Variants in SPTLC3 observed in about 807,000 individuals in gnomAD.
SPTLC3 encodes the protein serine palmitoyltransferase long chain base subunit 3.
A neutral mutation model predicts 59.3 loss-of-function variants in SPTLC3; 36 were observed. The observed-to-expected ratio is 0.61, with a 90% confidence interval of 0.47 to 0.80. SPTLC3 has a LOEUF of 0.80. Ranked by LOEUF, SPTLC3 falls within the 30% of genes least tolerant of loss-of-function variation. The pLI is 0.00. For missense variants in SPTLC3, 625 were observed against 685.1 expected (o/e 0.91, Z 0.98); for synonymous variants, 257 against 240.8 (o/e 1.07, Z -0.62).
intron 1 of SPTLC3, among the ~76,000 whole-genome samples, chr20:13,016,105 G>T (rs1933885665): frequency 6.6e-6 from 1 of 151,208 alleles, no homozygotes; most frequent in African/African-American, 2.4e-5. Flanking sequence ...CCAAACACCA[G>T]AAAGAAAAGA....
At position 13,133,531 on chromosome 20, in the gene SPTLC3, C is replaced by T. The variant is rs140607105; in HGVS notation, c.1279+6814C>T. On this transcript the variant is annotated intron_variant, in intron 9 of 11. Transcript: ENST00000399002. The stretch of plus-strand genomic sequence containing the variant: ...AGTGGATCACTTGAGGTCAGGAGTT[C>T]GAGACCAACCTGGCCAACAAGGCAA... Among the ~76,000 whole-genome samples, 98 of 152,148 alleles carry T rather than the reference C, an allele frequency of 6.4e-4. 1 individual carries two copies. The East Asian group carries it at 0.014, about 22-fold the overall frequency.
chr20:13,093,350 C>T, intron 5 of SPTLC3, 134 bp from the exon 6 acceptor site: 1 of 722,864 alleles, frequency 1.4e-6, no homozygotes. Context: ...CCAGGTTAAA[C>T]TCTTGGCCTT....
chr20:13,022,766 C>T (rs1432362421), intron 1 of SPTLC3, among the ~76,000 whole-genome samples: 1 of 152,206 alleles, frequency 6.6e-6, no homozygotes, highest in Non-Finnish European at 1.5e-5. Context: ...CCACCCTCCC[C>T]TCCCCTCTGC....
At chr20:13,055,940 G>C (rs1312476780) in intron 2 of SPTLC3, among the ~76,000 whole-genome samples, 1 of 152,128 alleles carries the variant, frequency 6.6e-6, no homozygotes, top group African/African-American at 2.4e-5. Flanking sequence ...TGAGCTGAGG[G>C]AAGGGGGCTA....
At position 13,064,110 on chromosome 20, in the gene SPTLC3, A is replaced by G. The variant is rs1988084194; in HGVS notation, c.304-8146A>G. 2.8e-5 allele frequency among the ~76,000 whole-genome samples: 4 copies of G among 142,072 alleles called. No homozygotes were observed. The South Asian group carries it at 9.0e-4, about 32-fold the overall frequency. 93.2% of individuals were successfully genotyped at this position (142,072 alleles called of 152,430 possible). On this transcript the variant is annotated intron_variant, in intron 2 of 11. Coordinates refer to ENST00000399002, the MANE Select transcript of SPTLC3 (RefSeq NM_018327.4). ...AGTGGTGTGATTTTGGCTCACTGCA[A>G]CCTCTGCCTTCTGGGTTCAAGTGAT...
intron 4 of SPTLC3, among the ~76,000 whole-genome samples, chr20:13,078,395 G>A (rs1420336739): frequency 1.3e-5 from 2 of 151,276 alleles, no homozygotes; most frequent in Non-Finnish European, 3.0e-5. Flanking sequence ...ATGCTGCTAA[G>A]CATTTATAAA....
intron 9 of SPTLC3, among the ~76,000 whole-genome samples, chr20:13,136,616 T>G: frequency 7.2e-6 from 1 of 139,236 alleles, no homozygotes. Flanking sequence ...TATATATATA[T>G]ATAATATACA....
At chr20:13,072,532 A>T in intron 3 of SPTLC3, 122 bp downstream of exon 3, 1 of 1,110,778 alleles carries the variant, frequency 9.0e-7, no homozygotes, top group Non-Finnish European at 1.3e-6. Flanking sequence ...TGTATCATTT[A>T]TGCCTTTGCA....
At chr20:13,032,015 C>T (rs1986498929) in intron 1 of SPTLC3, among the ~76,000 whole-genome samples, 1 of 152,086 alleles carries the variant, frequency 6.6e-6, no homozygotes, top group Admixed American at 6.6e-5. Flanking sequence ...TTTGGAATAG[C>T]ATGTAAGTAA....
At chr20:13,138,564 C>T (rs1345430652) in intron 9 of SPTLC3, among the ~76,000 whole-genome samples, 3 of 152,122 alleles carry the variant, frequency 2.0e-5, no homozygotes, top group Non-Finnish European at 2.9e-5. Context: ...GAATGGGCAC[C>T]GAACACTATA....
intron 1 of SPTLC3, among the ~76,000 whole-genome samples, chr20:13,013,123 G>A (rs1034247204): frequency 7.9e-5 from 12 of 152,208 alleles, no homozygotes; most frequent in African/African-American, 2.7e-4. Flanking sequence ...TGTGGCTGAG[G>A]TGGTGCTCAG....
At chr20:13,048,841 A>G (rs1375187200) in intron 1 of SPTLC3, 104 bp from the exon 2 acceptor site, 1 of 1,025,174 alleles carries the variant, frequency 9.8e-7, no homozygotes. Context: ...ACAATCTTAA[A>G]TATGGCCTTT....
At chr20:13,084,154 C>T (rs1335126446) in intron 4 of SPTLC3, among the ~76,000 whole-genome samples, 2 of 152,180 alleles carry the variant, frequency 1.3e-5, no homozygotes, top group Non-Finnish European at 2.9e-5. Flanking sequence ...TAAAGACTGG[C>T]AGGAAATAAT....
chr20:13,026,708 A>C (rs1986163577), intron 1 of SPTLC3, among the ~76,000 whole-genome samples: 1 of 152,220 alleles, frequency 6.6e-6, no homozygotes, highest in South Asian at 2.1e-4. Context: ...GGATGACCAT[A>C]GCAGACCCTG....
intron 10 of SPTLC3, 67 bp from the exon 11 acceptor site, chr20:13,159,936 T>G: frequency 6.9e-7 from 1 of 1,444,792 alleles, no homozygotes; most frequent in Non-Finnish European, 9.2e-7. Context: ...ATTCCTTTTT[T>G]GTCAGGATAA....
intron 9 of SPTLC3, among the ~76,000 whole-genome samples, chr20:13,147,300 G>A (rs1002098224): frequency 6.6e-6 from 1 of 152,116 alleles, no homozygotes; most frequent in Non-Finnish European, 1.5e-5. Flanking sequence ...CACTCCAAAT[G>A]TTCTTTTCTC....
intron 10 of SPTLC3, among the ~76,000 whole-genome samples, chr20:13,156,430 T>C (rs937758861): frequency 1.3e-5 from 2 of 152,226 alleles, no homozygotes; most frequent in African/African-American, 4.8e-5. Context: ...AGTTATGCTC[T>C]ATGGTGTGAT....
intron 1 of SPTLC3, among the ~76,000 whole-genome samples, chr20:13,039,417 T>C (rs1986877492): frequency 6.6e-6 from 1 of 152,126 alleles, no homozygotes; most frequent in Non-Finnish European, 1.5e-5. Flanking sequence ...TGTCTGATAC[T>C]ACTATAGCAA....
intron 9 of SPTLC3, among the ~76,000 whole-genome samples, chr20:13,137,367 G>C (rs113416221): frequency 6.6e-6 from 1 of 152,154 alleles, no homozygotes; most frequent in Admixed American, 6.5e-5. Flanking sequence ...CAGCTAATGG[G>C]ATGCTCCTCT....
Sources: gnomAD v4.1 joint callset for allele counts (sites outside exome capture counted in the v4.1 genomes callset) on GRCh38, gnomAD v4.1.1 for gene constraint, MANE v1.5 for transcripts, NCBI Gene and HGNC (gene_info 2026-07-23, HGNC 2026-07-21) for gene names.